Variants in DGKB observed in about 807,000 individuals in gnomAD.
DGKB encodes diacylglycerol kinase beta.
DGKB carries 67 observed loss-of-function variants against 114.3 expected under a neutral mutation model. That is an observed-to-expected ratio of 0.59 (90% confidence interval 0.48 to 0.72). The LOEUF (loss-of-function observed/expected upper bound fraction) is 0.72, where lower values mean the gene tolerates loss of function less well. DGKB is among the 30% of genes least tolerant of loss of function. DGKB has a pLI of 0.00. For synonymous variants in DGKB, 398 were observed against 323.1 expected, an observed-to-expected ratio of 1.23 and a Z score of -2.49; for missense variants, 907 against 975.2, an observed-to-expected ratio of 0.93 and a Z score of 0.93.
rs533648129 is a variant in DGKB, at chr7:14,148,054, T to C, written c.*1077A>G. On this transcript the variant is annotated 3_prime_UTR_variant, in exon 26 of 26. Transcript: ENST00000402815. Reference sequence around the variant, plus strand: ...GATACAATCATTTACTTCCTTCAAGTGTACTTAACTGATCCATGAAAAATT... The same window carrying C: ...GATACAATCATTTACTTCCTTCAAGCGTACTTAACTGATCCATGAAAAATT... The C allele has an allele frequency of 1.8e-4, 28 of 152,248 alleles. No individual in the cohort carries two copies. Among genetic ancestry groups the C allele is most frequent in the African/African-American group, 6.7e-4 (28 of 41,570 alleles). 9.4% of individuals were successfully genotyped at this position (152,248 alleles called of 1,614,324 possible).
intron 17 of DGKB, among the ~76,000 whole-genome samples, chr7:14,593,724 G>A (rs1299650037): frequency 6.6e-6 from 1 of 151,726 alleles, no homozygotes; most frequent in Non-Finnish European, 1.5e-5. Context: ...TTTAGACTGA[G>A]CTTCTGCACT....
chr7:14,891,871 G>A (rs1781285626), intron 1 of DGKB, among the ~76,000 whole-genome samples: 1 of 151,196 alleles, frequency 6.6e-6, no homozygotes. Flanking sequence ...AATTACCAGG[G>A]TCAGACTGAG....
chr7:14,214,697 G>C (rs1788679442), intron 23 of DGKB, among the ~76,000 whole-genome samples: 1 of 152,054 alleles, frequency 6.6e-6, no homozygotes. Context: ...AAGTAATGAA[G>C]TTTCAAAAGG....
intron 1 of DGKB, among the ~76,000 whole-genome samples, chr7:14,946,615 T>C (rs1270783158): frequency 6.6e-6 from 1 of 151,744 alleles, no homozygotes; most frequent in African/African-American, 2.4e-5. Flanking sequence ...GCCCTCATGT[T>C]TCCAAATGTC....
chr7:14,425,653 C>T (rs1276191085), intron 21 of DGKB, among the ~76,000 whole-genome samples: 1 of 152,118 alleles, frequency 6.6e-6, no homozygotes, highest in Non-Finnish European at 1.5e-5. Context: ...GCAATGTCTC[C>T]TGCTTTGAGA....
chr7:14,166,601 T>C (rs1037367876), intron 25 of DGKB, among the ~76,000 whole-genome samples: 1 of 151,990 alleles, frequency 6.6e-6, no homozygotes, highest in African/African-American at 2.4e-5. Context: ...CTCTTCACTC[T>C]ATCTCTCCCA....
In DGKB at chr7:14,150,543, G is replaced by A. The variant is rs1782035886; in HGVS notation, c.2305-1305C>T. Among the ~76,000 whole-genome samples the A allele has an allele frequency of 2.0e-5, 3 of 152,176 alleles. No individual in the cohort carries two copies. In the South Asian group the frequency reaches 6.2e-4, roughly 32 times the overall value. ...CTTTATTTAAGTCTGCTGGAATCAG[G>A]TTATTCTGGAAGGATTCAGTGTTCT... On this transcript the variant is annotated intron_variant, in intron 25 of 25. Coordinates refer to ENST00000402815, the MANE Select transcript of DGKB (RefSeq NM_001350709.2).
intron 21 of DGKB, among the ~76,000 whole-genome samples, chr7:14,360,320 G>A (rs1218171506): frequency 6.6e-6 from 1 of 152,050 alleles, no homozygotes; most frequent in African/African-American, 2.4e-5. Context: ...TCGTGGGGTT[G>A]GGGGCTGGGG....
intron 23 of DGKB, among the ~76,000 whole-genome samples, chr7:14,271,231 T>G (rs1798229649): frequency 6.6e-6 from 1 of 152,200 alleles, no homozygotes; most frequent in East Asian, 1.9e-4. Flanking sequence ...AAATCTGAAC[T>G]TCCATTCAAA....
intron 1 of DGKB, among the ~76,000 whole-genome samples, chr7:14,924,804 G>T (rs1380924824): frequency 6.6e-6 from 1 of 151,976 alleles, no homozygotes; most frequent in East Asian, 1.9e-4. Flanking sequence ...CAGAAACACT[G>T]AAGTACCCTT....
chr7:14,243,142 G>T (rs1793934805), intron 23 of DGKB, among the ~76,000 whole-genome samples: 1 of 151,816 alleles, frequency 6.6e-6, no homozygotes, highest in South Asian at 2.1e-4. Flanking sequence ...CAAAAAGAGA[G>T]GTAGGAAAAG....
At chr7:14,748,143 CT>C (rs1361988112) in intron 4 of DGKB, among the ~76,000 whole-genome samples, 1 of 152,110 alleles carries the variant, frequency 6.6e-6, no homozygotes, top group African/African-American at 2.4e-5. Flanking sequence ...AGAAAGTGTT[CT>C]TTGAGCACCC....
chr7:14,958,678 G>T (rs1414125116), intron 1 of DGKB, among the ~76,000 whole-genome samples: 1 of 151,896 alleles, frequency 6.6e-6, no homozygotes, highest in African/African-American at 2.4e-5. Flanking sequence ...TATGACTGCG[G>T]GAGTATTATG....
At chr7:14,227,757 A>C (rs1290885026) in intron 23 of DGKB, among the ~76,000 whole-genome samples, 1 of 152,090 alleles carries the variant, frequency 6.6e-6, no homozygotes, top group Non-Finnish European at 1.5e-5. Context: ...ACATTTACCC[A>C]TAATTTCATT....
At chr7:14,925,874 C>G (rs561355376) in intron 1 of DGKB, among the ~76,000 whole-genome samples, 69 of 148,296 alleles carry the variant, frequency 4.7e-4, no homozygotes, top group Non-Finnish European at 7.6e-4. Context: ...GTCCCCCCCC[C>G]ACTTCCAGTA....
chr7:14,560,340 G>C (rs1796472123), intron 20 of DGKB, among the ~76,000 whole-genome samples: 1 of 152,040 alleles, frequency 6.6e-6, no homozygotes, highest in African/African-American at 2.4e-5. Flanking sequence ...CTTTATTTAT[G>C]TCCGTTGATT....
At chr7:14,744,273 G>C (rs889985384) in intron 4 of DGKB, among the ~76,000 whole-genome samples, 1 of 152,168 alleles carries the variant, frequency 6.6e-6, no homozygotes, top group Non-Finnish European at 1.5e-5. Context: ...CAGTGCAATA[G>C]GAATTCATTT....
upstream of DGKB, among the ~76,000 whole-genome samples, chr7:14,906,226 C>A (rs192446793): frequency 1.0e-4 from 15 of 150,498 alleles, no homozygotes; most frequent in Middle Eastern, 3.5e-3. Context: ...AAAAAAAAAA[C>A]AAAAACAAAA....
At position 14,345,889 on chromosome 7, in the gene DGKB, T is replaced by G. The variant is rs530899408; in HGVS notation, c.1836-498A>C. On this transcript the variant is annotated intron_variant, in intron 21 of 25. Coordinates refer to ENST00000402815, the MANE Select transcript of DGKB (RefSeq NM_001350709.2). ...TTAAAGTAAAAGACTCAAAATTTAT[T>G]TTCTTCTATGACTTGATATTTTTGG... Among the ~76,000 whole-genome samples, 5 of 151,742 alleles carry G rather than the reference T, an allele frequency of 3.3e-5. No individual in the cohort carries two copies. In the East Asian group the frequency reaches 7.7e-4, roughly 23 times the overall value.
Sources: allele counts gnomAD v4.1 joint callset (sites outside exome capture counted in the v4.1 genomes callset), GRCh38; gene constraint gnomAD v4.1.1; transcripts MANE v1.5; gene names NCBI Gene and HGNC (gene_info 2026-07-23, HGNC 2026-07-21).